The following PCDHA4 variants were observed in gnomAD, a reference collection of about 807,000 sequenced individuals.
PCDHA4 encodes protocadherin alpha-4.
In PCDHA4, 49 loss-of-function variants were observed where a neutral mutation model predicts 61.4. The ratio of observed to expected loss-of-function variants is 0.80; its 90% CI spans 0.63 to 1.01. The LOEUF (loss-of-function observed/expected upper bound fraction) is 1.01, where lower values mean the gene tolerates loss of function less well. Ranked by LOEUF, PCDHA4 falls within the 50% of genes least tolerant of loss-of-function variation. The pLI is 0.00. For missense variants in PCDHA4, 1,254 were observed against 1,235.8 expected (o/e 1.01, Z -0.22); for synonymous variants, 590 against 550.3 (o/e 1.07, Z -1.01).
rs529968685 is a variant in PCDHA4 at position 140,857,928 on chromosome 5, C to T, written c.2385+48356C>T. ...ATCCCGTTTCGCGTGGGGCTGTACA[C>T]GGGCGAGATCAGTACGACGCGCGCT... On this transcript the variant is annotated intron_variant, in intron 1 of 3. Coordinates refer to ENST00000530339, the MANE Select transcript of PCDHA4 (RefSeq NM_018907.4). The T allele has an allele frequency of 2.5e-6, 4 of 1,597,668 alleles. No individual in the cohort carries two copies. In the South Asian group the frequency reaches 3.3e-5, roughly 13 times the overall value.
At chr5:140,895,851 C>T (rs2065201261) in intron 1 of PCDHA4, among the ~76,000 whole-genome samples, 1 of 152,078 alleles carries the variant, frequency 6.6e-6, no homozygotes, top group Admixed American at 6.6e-5. Flanking sequence ...CACTCTTGTA[C>T]CCCAGGCTGG....
intron 1 of PCDHA4, chr5:140,848,481 GAC>G: frequency 6.4e-7 from 1 of 1,570,506 alleles, no homozygotes; most frequent in East Asian, 2.2e-5. Flanking sequence ...ATTAGAAGAA[GAC>G]TGAGTATTTG....
intron 1 of PCDHA4, chr5:140,824,637 T>TTC (rs1768307351): frequency 1.4e-5 from 2 of 145,312 alleles, no homozygotes; most frequent in Non-Finnish European, 2.9e-5. Context: ...TTTTTTATTT[T>TTC]CTGTAGAGAT....
At chr5:141,005,572 C>G (rs548748234) in intron 3 of PCDHA4, among the ~76,000 whole-genome samples, 59 of 150,976 alleles carry the variant, frequency 3.9e-4, no homozygotes, top group Non-Finnish European at 7.7e-4. Context: ...CATGGTGGCG[C>G]GTGCCTGTAG....
intron 1 of PCDHA4, among the ~76,000 whole-genome samples, chr5:140,941,621 G>A (rs552509224): frequency 6.6e-6 from 1 of 151,808 alleles, no homozygotes; most frequent in South Asian, 2.1e-4. Context: ...AGCCCATCCT[G>A]CTTCTTAATT....
chr5:140,989,509 T>G (rs1554250840), intron 3 of PCDHA4, among the ~76,000 whole-genome samples: 1 of 152,196 alleles, frequency 6.6e-6, no homozygotes, highest in African/African-American at 2.4e-5. Context: ...GCTTATAACC[T>G]GAGTTGAGGG....
At chr5:140,861,714 C>T (rs1270815582) in intron 1 of PCDHA4, 2 of 216,396 alleles carry the variant, frequency 9.2e-6, no homozygotes, top group Non-Finnish European at 1.9e-5. Flanking sequence ...GACGTCGGGG[C>T]CAATGCTCTG....
At chr5:140,884,295 C>G in intron 1 of PCDHA4, 1 of 1,613,680 alleles carries the variant, frequency 6.2e-7, no homozygotes, top group Non-Finnish European at 8.5e-7. Flanking sequence ...GGCCAAGCGC[C>G]ACAGGCTTCG....
chr5:140,942,591 T>C (rs1180688838), intron 1 of PCDHA4, among the ~76,000 whole-genome samples: 1 of 147,516 alleles, frequency 6.8e-6, no homozygotes, highest in East Asian at 2.0e-4. Context: ...ATGTCACATA[T>C]AATTATAGTG....
intron 1 of PCDHA4, among the ~76,000 whole-genome samples, chr5:140,937,928 G>T (rs997116789): frequency 4.0e-5 from 6 of 148,604 alleles, no homozygotes; most frequent in Non-Finnish European, 8.9e-5. Context: ...AAAAAAAAAA[G>T]TTTAATTTGA....
chr5:140,870,358 G>C lies in PCDHA4; in HGVS notation c.2385+60786G>C, dbSNP rs201159213. The C allele has an allele frequency of 1.2e-5, 20 of 1,614,216 alleles. No homozygotes were observed. The Admixed American group carries it at 3.3e-4, about 27-fold the overall frequency. ...CGCCCTGGACCGCGAGAACGTGTGG[G>C]CCTATGAACTGGTGGTGACTGCGCG... On this transcript the variant is annotated intron_variant, in intron 1 of 3. Transcript: ENST00000530339.
chr5:140,939,018 T>G (rs1554212547), intron 1 of PCDHA4, among the ~76,000 whole-genome samples: 1 of 152,228 alleles, frequency 6.6e-6, no homozygotes, highest in Non-Finnish European at 1.5e-5. Context: ...TTACTTTTCT[T>G]TTACTTATTC....
intron 1 of PCDHA4, chr5:140,968,458 T>C: frequency 6.2e-7 from 1 of 1,614,148 alleles, no homozygotes; most frequent in East Asian, 2.2e-5. Flanking sequence ...GCACTGTGAC[T>C]GCCAACGTAT....
rs782547925 is a variant in PCDHA4, at chr5:140,967,973, G to A, written c.2386-10976G>A. 4 of 1,614,170 alleles carry A rather than the reference G, an allele frequency of 2.5e-6. No individual in the cohort carries two copies. In the African/African-American group the frequency reaches 4.0e-5, roughly 16 times the overall value. On this transcript the variant is annotated intron_variant, in intron 1 of 3. Coordinates refer to ENST00000530339, the MANE Select transcript of PCDHA4 (RefSeq NM_018907.4). ...AGGCCCCAACCGGAAAGTGAGCCTG[G>A]GTCTGGAGGCCACACTGCCTTTCCG... is the stretch of plus-strand genomic sequence containing the variant.
intron 1 of PCDHA4, chr5:140,875,866 G>T: frequency 6.2e-7 from 1 of 1,614,192 alleles, no homozygotes; most frequent in Non-Finnish European, 8.5e-7. Context: ...CAACCCGCCG[G>T]TGTTCAGAGA....
chr5:140,917,338 G>GGGGGGGGGGGGGGGGGA (rs2078134893), intron 1 of PCDHA4, among the ~76,000 whole-genome samples: 1 of 137,894 alleles, frequency 7.3e-6, no homozygotes, highest in Non-Finnish European at 1.6e-5. Flanking sequence ...GGAGGGGGGG[G>GGGGGGGGGGGGGGGGGA]ATGGTGTAGG....
intron 1 of PCDHA4, chr5:140,828,073 A>T: frequency 2.6e-6 from 4 of 1,567,184 alleles, no homozygotes; most frequent in Non-Finnish European, 3.5e-6. Context: ...TAATGGAAAT[A>T]AAACCAGAGG....
At chr5:140,936,007 C>G (rs1338541274) in intron 1 of PCDHA4, among the ~76,000 whole-genome samples, 3 of 151,820 alleles carry the variant, frequency 2.0e-5, no homozygotes, top group African/African-American at 7.3e-5. Flanking sequence ...ATTCTCCCAC[C>G]TCAGCCTCCC....
At chr5:140,857,620 C>T (rs782083775) in intron 1 of PCDHA4, 2 of 1,596,564 alleles carry the variant, frequency 1.3e-6, no homozygotes, top group East Asian at 2.2e-5. Context: ...CGCTGGACCA[C>T]GAGGAGCTGG....
Sources: allele counts gnomAD v4.1 joint callset (sites outside exome capture counted in the v4.1 genomes callset), GRCh38; gene constraint gnomAD v4.1.1; transcripts MANE v1.5; gene names NCBI Gene and HGNC (gene_info 2026-07-23, HGNC 2026-07-21).